Variants in RABGAP1L observed in about 807,000 individuals in gnomAD.
RABGAP1L encodes RAB GTPase activating protein 1 like.
A neutral mutation model predicts 137.7 loss-of-function variants in RABGAP1L; 63 were observed. That is an observed-to-expected ratio of 0.46 (90% CI 0.37 to 0.56). RABGAP1L has a LOEUF of 0.56. RABGAP1L is among the 20% of genes least tolerant of loss of function. The pLI is 0.00. For missense variants in RABGAP1L, 1,095 were observed against 1,244.0 expected, an observed-to-expected ratio of 0.88 and a Z score of 1.80; for synonymous variants, 431 against 433.7, an observed-to-expected ratio of 0.99 and a Z score of 0.08.
intron 14 of RABGAP1L, among the ~76,000 whole-genome samples, chr1:174,660,115 A>G (rs1399707272): frequency 8.5e-5 from 13 of 152,214 alleles, no homozygotes; most frequent in Non-Finnish European, 1.5e-4. Context: ...TCTCACAGCC[A>G]TGGCAGGGAA....
chr1:174,313,193 G>A (rs1277905758), intron 11 of RABGAP1L, among the ~76,000 whole-genome samples: 1 of 151,942 alleles, frequency 6.6e-6, no homozygotes, highest in Non-Finnish European at 1.5e-5. Flanking sequence ...CAAAGTGCTG[G>A]GATTACAGGC....
intron 14 of RABGAP1L, among the ~76,000 whole-genome samples, chr1:174,651,349 G>A (rs1675469988): frequency 6.6e-6 from 1 of 152,144 alleles, no homozygotes; most frequent in Admixed American, 6.6e-5. Context: ...TGTCTATTAG[G>A]TCTGCTTGGT....
chr1:174,614,306 T>C (rs889121571), intron 13 of RABGAP1L, among the ~76,000 whole-genome samples: 1 of 152,206 alleles, frequency 6.6e-6, no homozygotes, highest in Non-Finnish European at 1.5e-5. Context: ...TTATTTCTCC[T>C]TCACTTATGA....
chr1:174,189,302 G>A (rs1225249439), intron 1 of RABGAP1L, among the ~76,000 whole-genome samples: 1 of 152,200 alleles, frequency 6.6e-6, no homozygotes, highest in Non-Finnish European at 1.5e-5. Context: ...ACGACGCCCG[G>A]CAGATAGCAT....
intron 19 of RABGAP1L, among the ~76,000 whole-genome samples, chr1:174,903,347 A>C (rs997699097): frequency 6.6e-6 from 1 of 152,238 alleles, no homozygotes; most frequent in Non-Finnish European, 1.5e-5. Context: ...GGTGAAATAC[A>C]TGAGCCTTTG....
intron 7 of RABGAP1L, among the ~76,000 whole-genome samples, chr1:174,266,190 A>G (rs1001770896): frequency 6.6e-6 from 1 of 152,150 alleles, no homozygotes; most frequent in African/African-American, 2.4e-5. Context: ...TTCAGTTTGC[A>G]ATTTGTAAAT....
At chr1:174,700,186 C>T (rs566408449) in intron 16 of RABGAP1L, among the ~76,000 whole-genome samples, 32 of 152,256 alleles carry the variant, frequency 2.1e-4, no homozygotes, top group Non-Finnish European at 3.5e-4. Flanking sequence ...AAACATGCAT[C>T]CTTTTATATA....
At chr1:174,341,025 T>C (rs1231803365) in intron 11 of RABGAP1L, among the ~76,000 whole-genome samples, 6 of 150,418 alleles carry the variant, frequency 4.0e-5, no homozygotes, top group Non-Finnish European at 7.4e-5. Flanking sequence ...GTGATGTTGA[T>C]TTTTTTTTTC....
At chr1:174,738,678 G>A (rs528508634) in intron 17 of RABGAP1L, among the ~76,000 whole-genome samples, 55 of 152,284 alleles carry the variant, frequency 3.6e-4, no homozygotes, top group African/African-American at 1.3e-3. Context: ...AAGCTAGTTG[G>A]TGGCAGAAAT....
chr1:174,458,952 C>A (rs1430997975), intron 13 of RABGAP1L, among the ~76,000 whole-genome samples: 1 of 151,978 alleles, frequency 6.6e-6, no homozygotes, highest in Non-Finnish European at 1.5e-5. Context: ...GTTAAATTTA[C>A]ATGCAACTCT....
chr1:174,838,904 C>G (rs1326795226), intron 19 of RABGAP1L, among the ~76,000 whole-genome samples: 2 of 91,254 alleles, frequency 2.2e-5, no homozygotes, highest in African/African-American at 8.4e-5. Context: ...GGCGACAAAG[C>G]GAGACTCCGT....
intron 20 of RABGAP1L, among the ~76,000 whole-genome samples, chr1:174,962,065 C>G (rs1669169937): frequency 6.6e-6 from 1 of 151,908 alleles, no homozygotes; most frequent in African/African-American, 2.4e-5. Flanking sequence ...GTCCCAGCTA[C>G]TTGGGAGGCT....
At chr1:174,388,351 T>C (rs1011919189) in intron 12 of RABGAP1L, among the ~76,000 whole-genome samples, 1 of 151,932 alleles carries the variant, frequency 6.6e-6, no homozygotes, top group Non-Finnish European at 1.5e-5. Context: ...TTGAAATCAT[T>C]AGAAAAAATA....
intron 13 of RABGAP1L, among the ~76,000 whole-genome samples, chr1:174,396,313 TTA>T (rs1204417522): frequency 6.6e-6 from 1 of 152,114 alleles, no homozygotes; most frequent in African/African-American, 2.4e-5. Flanking sequence ...ATGGTGAATT[TTA>T]TGTTATGTTT....
At chr1:174,863,672 TAAAAA>T (rs762683129) in intron 19 of RABGAP1L, among the ~76,000 whole-genome samples, 4 of 119,908 alleles carry the variant, frequency 3.3e-5, no homozygotes, top group African/African-American at 1.3e-4. Flanking sequence ...GACTCCGTCT[TAAAAA>T]AAAAAAAAAA....
chr1:174,621,143 C>G (rs538879523), intron 13 of RABGAP1L, among the ~76,000 whole-genome samples: 8 of 152,090 alleles, frequency 5.3e-5, no homozygotes, highest in African/African-American at 1.9e-4. Flanking sequence ...ATCCAACTTA[C>G]AAGGGACATG....
intron 15 of RABGAP1L, among the ~76,000 whole-genome samples, chr1:174,695,330 A>T (rs2148507954): frequency 6.6e-6 from 1 of 151,956 alleles, no homozygotes; most frequent in East Asian, 1.9e-4. Context: ...TCCTCTGACT[A>T]TGTATTTTCA....
chr1:174,395,850 A>AG (rs1029493506), intron 13 of RABGAP1L, among the ~76,000 whole-genome samples: 4 of 151,766 alleles, frequency 2.6e-5, no homozygotes, highest in East Asian at 3.9e-4. Flanking sequence ...AAAAAAAAAA[A>AG]AAAAAGAAAG....
chr1:174,463,938 A>T (rs937882589), intron 13 of RABGAP1L, among the ~76,000 whole-genome samples: 1 of 152,156 alleles, frequency 6.6e-6, no homozygotes. Context: ...AGATGAGAAT[A>T]ATTTATTTTC....
Sources: allele counts gnomAD v4.1 joint callset (sites outside exome capture counted in the v4.1 genomes callset), GRCh38; gene constraint gnomAD v4.1.1; transcripts MANE v1.5; gene names NCBI Gene and HGNC (gene_info 2026-07-23, HGNC 2026-07-21).